PLEKHA3: variants seen among roughly 807,000 people sequenced by gnomAD.
The protein encoded by PLEKHA3 is pleckstrin homology domain-containing family A member 3.
PLEKHA3 carries 19 observed loss-of-function variants against 39.2 expected under a neutral mutation model. The ratio of observed to expected loss-of-function variants is 0.48; its 90% CI spans 0.34 to 0.71. The LOEUF (loss-of-function observed/expected upper bound fraction) is 0.71. Ranked by LOEUF, PLEKHA3 falls within the 30% of genes least tolerant of loss-of-function variation. The probability of loss-of-function intolerance (pLI) is 0.01; values close to 1 mark genes in which losing one functional copy is unlikely to be tolerated. For missense variants in PLEKHA3, 253 were observed against 359.5 expected, an observed-to-expected ratio of 0.70 and a Z score of 2.40; for synonymous variants, 97 against 118.6, an observed-to-expected ratio of 0.82 and a Z score of 1.18.
chr2:178,516,262 T>C lies in PLEKHA3; in HGVS notation c.*12375T>C, dbSNP rs2154128423. The C allele has an allele frequency of 6.6e-6, 1 of 152,118 alleles. No homozygotes were observed. The highest frequency in any genetic ancestry group is 1.9e-4 in the East Asian group (1 of 5,198). 9.4% of individuals were successfully genotyped at this position (152,118 alleles called of 1,614,324 possible). On this transcript the variant is annotated 3_prime_UTR_variant, in exon 8 of 8. Transcript: ENST00000234453. ...TGATTGCTATAACTAAACACTTTAA[T>C]TTTGAAAAAGTTTCAGAATAGAATT...
rs373676391 is a variant in PLEKHA3, at chr2:178,503,851, T to G, written c.867T>G (p.Ser289=). 5 of 1,611,780 alleles carry G rather than the reference T, an allele frequency of 3.1e-6. No individual in the cohort carries two copies. In the African/African-American group the frequency reaches 6.7e-5, roughly 22 times the overall value. The part of the protein sequence containing the change: ...EESRLMAKKQ[S]ESEDTLPSFS... Reference sequence around the variant, plus strand: ...GCAGACTTATGGCCAAAAAACAATCTGAATCAGAAGATACTCTTCCATCCT... The same window carrying G: ...GCAGACTTATGGCCAAAAAACAATCGGAATCAGAAGATACTCTTCCATCCT... The change falls in exon 8 of 8, where the codon TCT becomes TCG. Residue 289 remains serine, a synonymous_variant. Coordinates refer to ENST00000234453, the MANE Select transcript of PLEKHA3 (RefSeq NM_019091.4).
At position 178,512,598 on chromosome 2, in the gene PLEKHA3, GAGCTATA is replaced by G. The variant is rs1169322037; in HGVS notation, c.*8713_*8719del. On this transcript the variant is annotated 3_prime_UTR_variant, in exon 8 of 8. Transcript: ENST00000234453. ...GAGAGAGAATAGAATCAGCCATCAG[GAGCTATA>G]ACCACACTCTTCTTTCTCAACCTTT... is the stretch of plus-strand genomic sequence containing the variant. 1 of 153,542 alleles carries G rather than the reference GAGCTATA, an allele frequency of 6.5e-6. No homozygotes were observed. The highest frequency in any genetic ancestry group is 1.5e-5 in the Non-Finnish European group (1 of 68,038). 9.5% of individuals were successfully genotyped at this position (153,542 alleles called of 1,614,324 possible). A position where few individuals can be genotyped will look rare whatever the true frequency, so the allele number is the denominator to read the frequency against.
At chr2:178,488,415 T>C (rs1685290696) in intron 2 of PLEKHA3, among the ~76,000 whole-genome samples, 1 of 152,266 alleles carries the variant, frequency 6.6e-6, no homozygotes. Flanking sequence ...CTTGAATGTT[T>C]ATTGTTTTAC....
chr2:178,497,732 T>G (rs552791885), intron 5 of PLEKHA3, among the ~76,000 whole-genome samples: 1 of 152,246 alleles, frequency 6.6e-6, no homozygotes, highest in Non-Finnish European at 1.5e-5. Context: ...GGGTACACTT[T>G]TTTTTTTTAA....
chr2:178,498,605 G>A (rs775796127), intron 5 of PLEKHA3, among the ~76,000 whole-genome samples: 2 of 152,046 alleles, frequency 1.3e-5, no homozygotes, highest in Admixed American at 6.6e-5. Flanking sequence ...TTTTTTAAAT[G>A]TTCTGCTTAA....
At position 178,507,877 on chromosome 2, in the gene PLEKHA3, A is replaced by G. The variant is rs370865017; in HGVS notation, c.*3990A>G. On this transcript the variant is annotated 3_prime_UTR_variant, in exon 8 of 8. Coordinates refer to ENST00000234453, the MANE Select transcript of PLEKHA3 (RefSeq NM_019091.4). ...TTAAGGCATTTAGTTTTTCTGTGAG[A>G]ATTCTGATACCGTTCCTTTACCTGG... 2 of 153,394 alleles carry G rather than the reference A, an allele frequency of 1.3e-5. No individual in the cohort carries two copies. Among genetic ancestry groups the G allele is most frequent in the African/African-American group, 4.8e-5 (2 of 41,342 alleles). The allele number at this position is 153,394 out of a possible 1,614,324, so 9.5% of individuals were successfully genotyped here. A position where few individuals can be genotyped will look rare whatever the true frequency, so the allele number is the denominator to read the frequency against.
intron 2 of PLEKHA3, among the ~76,000 whole-genome samples, chr2:178,488,539 A>G (rs749052469): frequency 4.6e-4 from 70 of 152,028 alleles, no homozygotes; most frequent in Non-Finnish European, 7.5e-4. Context: ...CTTTTTCTAG[A>G]CTGTCTATTC....
In PLEKHA3 at chr2:178,507,601, T is replaced by A. The variant is rs998766662; in HGVS notation, c.*3714T>A. On this transcript the variant is annotated 3_prime_UTR_variant, in exon 8 of 8. Transcript: ENST00000234453. ...CATTTGTACTGTTGCCCTCCAGGCC[T>A]GTTCTATGGTTCAGCAGTCATTCTG... 4.0e-5 allele frequency: 6 copies of A among 151,440 alleles called. No individual in the cohort carries two copies. Among genetic ancestry groups the A allele is most frequent in the Non-Finnish European group, 5.9e-5 (4 of 67,764 alleles). 9.4% of individuals were successfully genotyped at this position (151,440 alleles called of 1,614,324 possible). A position where few individuals can be genotyped will look rare whatever the true frequency, so the allele number is the denominator to read the frequency against.
Position 178,510,340 on chromosome 2 carries a change from T to G in PLEKHA3, c.*6453T>G, listed in dbSNP as rs927545195. 4.6e-5 allele frequency: 7 copies of G among 153,792 alleles called. No homozygotes were observed. The highest frequency in any genetic ancestry group is 1.7e-4 in the African/African-American group (7 of 41,462). The allele number at this position is 153,792 out of a possible 1,614,324, so 9.5% of individuals were successfully genotyped here. A position where few individuals can be genotyped will look rare whatever the true frequency, so the allele number is the denominator to read the frequency against. The stretch of plus-strand genomic sequence containing the variant: ...TTTTAAGCTTTATTGGTATTATATT[T>G]TGTTTTTATCATATAAATATGAAGT... On this transcript the variant is annotated 3_prime_UTR_variant, in exon 8 of 8. Coordinates refer to ENST00000234453, the MANE Select transcript of PLEKHA3 (RefSeq NM_019091.4).
In PLEKHA3 at chr2:178,492,629, T is replaced by TAA. The variant is rs34187810; in HGVS notation, c.314-1211_314-1210dup. Among the ~76,000 whole-genome samples the TAA allele has an allele frequency of 5.1e-5, 7 of 137,392 alleles. No individual in the cohort carries two copies. In the South Asian group the frequency reaches 7.0e-4, roughly 14 times the overall value. 90.1% of individuals were successfully genotyped at this position (137,392 alleles called of 152,430 possible). On this transcript the variant is annotated intron_variant, in intron 3 of 7. Coordinates refer to ENST00000234453, the MANE Select transcript of PLEKHA3 (RefSeq NM_019091.4). ...CTAAAACTTAAAGTATAATAATGAT[T>TAA]AAAAAAAAAAAAAAGCTAATCACAG...
intron 5 of PLEKHA3, among the ~76,000 whole-genome samples, chr2:178,496,595 C>T (rs1685451449): frequency 1.3e-5 from 2 of 152,162 alleles, no homozygotes; most frequent in South Asian, 4.1e-4. Context: ...TAATAGTTTC[C>T]TCTGAGGCAA....
chr2:178,495,751 C>G (rs768452334), intron 5 of PLEKHA3, 91 bp downstream of exon 5: 189 of 1,389,822 alleles, frequency 1.4e-4, no homozygotes, highest in Middle Eastern at 1.9e-4. Flanking sequence ...AGGGTGGAAG[C>G]AGGCAGTTGG....
chr2:178,512,760 T>C lies in PLEKHA3; in HGVS notation c.*8873T>C, dbSNP rs924658937. 2 of 153,784 alleles carry C rather than the reference T, an allele frequency of 1.3e-5. No individual in the cohort carries two copies. Among genetic ancestry groups the C allele is most frequent in the Admixed American group, 1.3e-4 (2 of 15,286 alleles). The allele number at this position is 153,784 out of a possible 1,614,324, so 9.5% of individuals were successfully genotyped here. ...GTCCCGCTCAGTGCTGCCATCTTTT[T>C]CTCCCAGCACTCTGGACTTAAAATT... On this transcript the variant is annotated 3_prime_UTR_variant, in exon 8 of 8. Transcript: ENST00000234453.
At position 178,505,173 on chromosome 2, in the gene PLEKHA3, A is replaced by G. The variant is rs1276742336; in HGVS notation, c.*1286A>G. ...GTTTGTATATTTAGGCCTGCTGGTGAAGACACAAATGAAGCATAATTTTTG... is the reference window on the plus strand; with the variant it reads ...GTTTGTATATTTAGGCCTGCTGGTGGAGACACAAATGAAGCATAATTTTTG... On this transcript the variant is annotated 3_prime_UTR_variant, in exon 8 of 8. Coordinates refer to ENST00000234453, the MANE Select transcript of PLEKHA3 (RefSeq NM_019091.4). The G allele has an allele frequency of 6.6e-6, 1 of 152,364 alleles. No individual in the cohort carries two copies. The highest frequency in any genetic ancestry group is 2.4e-5 in the African/African-American group (1 of 41,446). The allele number at this position is 152,364 out of a possible 1,614,324, so 9.4% of individuals were successfully genotyped here.
At position 178,514,510 on chromosome 2, in the gene PLEKHA3, T is replaced by C. The variant is rs1685731953; in HGVS notation, c.*10623T>C. The C allele has an allele frequency of 6.6e-6, 1 of 152,212 alleles. No homozygotes were observed. The highest frequency in any genetic ancestry group is 2.4e-5 in the African/African-American group (1 of 41,460). The allele number at this position is 152,212 out of a possible 1,614,324, so 9.4% of individuals were successfully genotyped here. A position where few individuals can be genotyped will look rare whatever the true frequency, so the allele number is the denominator to read the frequency against. ...CAACTAGGATGAACTCTTAAGTTCA[T>C]ACATATACTTTAAAATGGGAACAAA... On this transcript the variant is annotated 3_prime_UTR_variant, in exon 8 of 8. Coordinates refer to ENST00000234453, the MANE Select transcript of PLEKHA3 (RefSeq NM_019091.4).
intron 3 of PLEKHA3, 95 bp from the exon 4 acceptor site, chr2:178,493,754 GTATT>G: frequency 9.7e-7 from 1 of 1,032,188 alleles, no homozygotes; most frequent in Non-Finnish European, 1.4e-6. Flanking sequence ...TGAGCTATAG[GTATT>G]TATATTCATT....
intron 1 of PLEKHA3, among the ~76,000 whole-genome samples, chr2:178,482,932 G>A (rs1224764088): frequency 6.6e-6 from 1 of 152,154 alleles, no homozygotes; most frequent in Admixed American, 6.5e-5. Flanking sequence ...ATAAGAATGA[G>A]CAGCTGTTCA....
intron 2 of PLEKHA3, among the ~76,000 whole-genome samples, chr2:178,487,639 G>A (rs1004939256): frequency 3.3e-5 from 5 of 151,918 alleles, no homozygotes; most frequent in Non-Finnish European, 5.9e-5. Context: ...GGATTTCACC[G>A]TGTTGCAAAA....
chr2:178,485,294 A>G (rs1415200241), intron 1 of PLEKHA3, among the ~76,000 whole-genome samples: 2 of 152,214 alleles, frequency 1.3e-5, no homozygotes, highest in Admixed American at 1.3e-4. Context: ...TCGTAACCCC[A>G]ACTCTGTTCC....
Sources: allele counts gnomAD v4.1 joint callset (sites outside exome capture counted in the v4.1 genomes callset), GRCh38; gene constraint gnomAD v4.1.1; transcripts MANE v1.5; gene names NCBI Gene and HGNC (gene_info 2026-07-23, HGNC 2026-07-21).